The following CFAP68 variants were observed in gnomAD, a reference collection of about 807,000 sequenced individuals.
CFAP68 encodes the protein cilia and flagella associated protein 68.
At chr11:111,883,250 A>C in the CFAP68 span, 6 of 1,446,886 alleles carry the variant, frequency 4.1e-6, no homozygotes. Flanking sequence ...AACCTAACTC[A>C]GTGACCGGCA....
At chr11:111,883,613 A>G in the CFAP68 span, among the ~76,000 whole-genome samples, 1 of 152,218 alleles carries the variant, frequency 6.6e-6, no homozygotes, top group Middle Eastern at 3.4e-3. Context: ...AAGAAAAAAA[A>G]GGTGAATAAC....
chr11:111,882,583 A>T, the CFAP68 span: 1 of 1,577,684 alleles, frequency 6.3e-7, no homozygotes, highest in Non-Finnish European at 8.6e-7. Flanking sequence ...TGCAGCCCAA[A>T]CCCTTGCCTT....
At chr11:111,883,462 G>T in the CFAP68 span, among the ~76,000 whole-genome samples, 2 of 151,932 alleles carry the variant, frequency 1.3e-5, no homozygotes, top group Non-Finnish European at 2.9e-5. Flanking sequence ...GCTTGGTGGC[G>T]CATGCCTGTA....
At chr11:111,881,501 T>G in the CFAP68 span, 1 of 1,536,088 alleles carries the variant, frequency 6.5e-7, no homozygotes, top group Non-Finnish European at 8.7e-7. Context: ...GAAAGCCAGG[T>G]TTGTTGACAT....
At chr11:111,883,029 T>A in the CFAP68 span, 7 of 846,442 alleles carry the variant, frequency 8.3e-6, no homozygotes, top group Non-Finnish European at 1.4e-5. Flanking sequence ...TAGAACTCAG[T>A]CCATCTAAAA....
At chr11:111,882,403 CTG>C in the CFAP68 span, 9 of 1,614,056 alleles carry the variant, frequency 5.6e-6, no homozygotes, top group Non-Finnish European at 7.6e-6. Flanking sequence ...CAAACCCACA[CTG>C]TGGCAGCCTT....
chr11:111,882,962 C>G, the CFAP68 span, among the ~76,000 whole-genome samples: 2 of 152,110 alleles, frequency 1.3e-5, no homozygotes, highest in African/African-American at 4.8e-5. Context: ...TTAAATCGCT[C>G]CTAAACAAAC....
the CFAP68 span, chr11:111,881,654 T>TG: frequency 2.0e-6 from 3 of 1,491,476 alleles, no homozygotes; most frequent in South Asian, 3.9e-5. Flanking sequence ...ACTCACATTT[T>TG]GGGGAAAAAG....
the CFAP68 span, chr11:111,881,600 C>G: frequency 6.5e-7 from 1 of 1,534,844 alleles, no homozygotes; most frequent in African/African-American, 1.4e-5. Context: ...CATCAAGTTA[C>G]TCTTCTTCAG....
the CFAP68 span, chr11:111,883,201 T>A: frequency 6.4e-7 from 1 of 1,567,700 alleles, no homozygotes; most frequent in Non-Finnish European, 8.7e-7. Context: ...TTTCAACACA[T>A]AGTACGTGGA....
the CFAP68 span, chr11:111,882,662 C>A: frequency 7.4e-7 from 1 of 1,359,266 alleles, no homozygotes; most frequent in South Asian, 1.5e-5. Context: ...ATGTAGTGGC[C>A]ATTTGAAATG....
At chr11:111,883,093 C>A in the CFAP68 span, 1 of 1,368,594 alleles carries the variant, frequency 7.3e-7, no homozygotes, top group Non-Finnish European at 1.0e-6. Flanking sequence ...CTGATGTTAG[C>A]TGTAGACTTC....
the CFAP68 span, chr11:111,881,285 G>T: frequency 7.0e-7 from 1 of 1,422,256 alleles, no homozygotes; most frequent in Non-Finnish European, 9.1e-7. Context: ...AGCTACTCTG[G>T]TCATCATGTT....
At chr11:111,883,942 C>T in the CFAP68 span, 2 of 1,207,452 alleles carry the variant, frequency 1.7e-6, no homozygotes, top group East Asian at 2.3e-5. Context: ...ATCCAGGTTT[C>T]TAAGAAATGA....
chr11:111,881,157 G>T, the CFAP68 span: 2 of 1,199,544 alleles, frequency 1.7e-6, no homozygotes, highest in East Asian at 4.3e-5. Flanking sequence ...TCAAAGATAA[G>T]CCCCAGGCTT....
At chr11:111,884,913 G>A in the CFAP68 span, 3 of 152,192 alleles carry the variant, frequency 2.0e-5, no homozygotes, top group African/African-American at 7.2e-5. Context: ...CACTTTGGGA[G>A]GCTGAGGTGG....
chr11:111,884,017 T>G, the CFAP68 span: 3 of 614,840 alleles, frequency 4.9e-6, no homozygotes, highest in Admixed American at 6.5e-5. Context: ...AGCTAAAAAT[T>G]TAGCTCACTG....
At chr11:111,884,172 C>G in the CFAP68 span, 1 of 233,504 alleles carries the variant, frequency 4.3e-6, no homozygotes, top group East Asian at 1.2e-4. Context: ...TGTAGAAGGG[C>G]CTTAAAAAGA....
chr11:111,880,411 T>C, the CFAP68 span, among the ~76,000 whole-genome samples: 1 of 152,150 alleles, frequency 6.6e-6, no homozygotes, highest in East Asian at 1.9e-4. Flanking sequence ...ATGAGATAGC[T>C]CAGCACAAGA....
Sources: allele counts gnomAD v4.1 joint callset (sites outside exome capture counted in the v4.1 genomes callset), GRCh38; gene constraint gnomAD v4.1.1; transcripts MANE v1.5; gene names NCBI Gene and HGNC (gene_info 2026-07-23, HGNC 2026-07-21).